The following KIAA1671 variants were observed in gnomAD, a reference collection of about 807,000 sequenced individuals.
The protein encoded by KIAA1671 is uncharacterized protein KIAA1671.
In KIAA1671, 52 loss-of-function variants were observed where a neutral mutation model predicts 131.2. That is an observed-to-expected ratio of 0.40 (90% CI 0.32 to 0.50). The LOEUF (loss-of-function observed/expected upper bound fraction) is 0.50, where lower values mean the gene tolerates loss of function less well. KIAA1671 is among the 20% of genes least tolerant of loss of function. The pLI is 0.73. For synonymous variants in KIAA1671, 1,003 were observed against 961.6 expected (o/e 1.04, Z -0.80); for missense variants, 2,360 against 2,364.2 (o/e 1.00, Z 0.04).
intron 1 of KIAA1671, chr22:25,022,865 T>A (rs1925749321): frequency 6.6e-6 from 1 of 152,414 alleles, no homozygotes; most frequent in Admixed American, 6.5e-5. Flanking sequence ...TGGGGAGGTC[T>A]TGTTGACTTG....
Position 25,174,389 on chromosome 22 carries a change from A to AC in KIAA1671, c.4801dup (p.His1601ProfsTer5), listed in dbSNP as rs1933953968. On this transcript the variant is annotated frameshift_variant, in exon 8 of 13. Coordinates refer to ENST00000358431, the MANE Select transcript of KIAA1671 (RefSeq NM_001145206.2). LOFTEE classifies it high-confidence loss of function. ...AGGGACCAGCGGAGCACCAGCGTGG[A>AC]CCACTCCAGCACTGACCTGGAATCC... The AC allele has an allele frequency of 6.4e-7, 1 of 1,551,996 alleles. No homozygotes were observed. Among genetic ancestry groups the AC allele is most frequent in the Admixed American group, 2.0e-5 (1 of 50,998 alleles).
chr22:25,170,600 C>T (rs1933812815), intron 6 of KIAA1671, among the ~76,000 whole-genome samples: 1 of 152,208 alleles, frequency 6.6e-6, no homozygotes, highest in Admixed American at 6.5e-5. Flanking sequence ...AGTTGGCCCA[C>T]TTTTAGCACT....
intron 6 of KIAA1671, among the ~76,000 whole-genome samples, chr22:25,107,321 G>A (rs1474298624): frequency 6.6e-6 from 1 of 152,042 alleles, no homozygotes; most frequent in African/African-American, 2.4e-5. Context: ...GGAGACTGAG[G>A]CAGGAGAATG....
chr22:25,158,891 G>A (rs1195955854), intron 6 of KIAA1671, among the ~76,000 whole-genome samples: 2 of 152,194 alleles, frequency 1.3e-5, no homozygotes, highest in East Asian at 3.8e-4. Context: ...TCTGTGAAAT[G>A]GGGATATTAA....
intron 1 of KIAA1671, among the ~76,000 whole-genome samples, chr22:24,996,523 C>G (rs1345504103): frequency 1.3e-5 from 2 of 151,958 alleles, no homozygotes; most frequent in African/African-American, 4.8e-5. Context: ...TGTTGGGTTC[C>G]CTAGAAGGAG....
chr22:25,174,714 T>C (rs1933966086), intron 8 of KIAA1671: 1 of 473,682 alleles, frequency 2.1e-6, no homozygotes, highest in Non-Finnish European at 3.7e-6. Context: ...AGCTTCCTTA[T>C]CCACTTGTAA....
chr22:25,029,235 A>C lies in KIAA1671; in HGVS notation c.1236A>C (p.Glu412Asp). ...SPSPRLGRGL[E>D]LAEVKSRVAD... ...CACCCAGGCTGGGAAGGGGCCTAGA[A>C]CTTGCTGAGGTTAAGAGCAGAGTGG... The change falls in exon 3 of 13, where the codon GAA becomes GAC. Residue 412 changes from glutamate (E) to aspartate (D), a missense_variant. Coordinates refer to ENST00000358431, the MANE Select transcript of KIAA1671 (RefSeq NM_001145206.2). 11 of 1,475,086 alleles carry C rather than the reference A, an allele frequency of 7.5e-6. No individual in the cohort carries two copies. Among genetic ancestry groups the C allele is most frequent in the Non-Finnish European group, 9.9e-6 (11 of 1,108,336 alleles). The allele number at this position is 1,475,086 out of a possible 1,614,324, so 91.4% of individuals were successfully genotyped here.
chr22:25,040,116 A>G lies in KIAA1671; in HGVS notation c.2986A>G (p.Arg996Gly). 5.8e-6 allele frequency: 9 copies of G among 1,551,706 alleles called. No individual in the cohort carries two copies. The highest frequency in any genetic ancestry group is 7.8e-6 in the Non-Finnish European group (9 of 1,147,002). Residue 996 changes from arginine to glycine, a missense_variant, in exon 5 of 13, where the codon AGG (arginine) becomes GGG (glycine). By Grantham distance (125) the Arg-to-Gly change is moderately radical. Coordinates refer to ENST00000358431, the MANE Select transcript of KIAA1671 (RefSeq NM_001145206.2). The part of the protein sequence containing the change: ...ALRKPQLSHY[R>G]VETQEVNPGA... ...AAGAAAACCTCAACTATCCCACTAC[A>G]GGGTGGAGACCCAGGAGGTGAACCC... is the stretch of plus-strand genomic sequence containing the variant.
chr22:25,047,275 C>G (rs967562017), intron 5 of KIAA1671, among the ~76,000 whole-genome samples: 1 of 151,282 alleles, frequency 6.6e-6, no homozygotes, highest in Non-Finnish European at 1.5e-5. Flanking sequence ...CTCAGCCTCC[C>G]GAGTTGCAAG....
At chr22:25,091,119 G>A (rs1488992901) in intron 6 of KIAA1671, among the ~76,000 whole-genome samples, 3 of 152,098 alleles carry the variant, frequency 2.0e-5, no homozygotes, top group Admixed American at 6.5e-5. Context: ...GTACAGTGGC[G>A]TGATTTTGGC....
chr22:24,995,087 C>G (rs920742192), intron 1 of KIAA1671, among the ~76,000 whole-genome samples: 5 of 150,030 alleles, frequency 3.3e-5, no homozygotes, highest in Admixed American at 1.3e-4. Flanking sequence ...ATCTCGCTCT[C>G]TCACCCAGGC....
chr22:24,956,657 G>A (rs1391092172), intron 1 of KIAA1671, among the ~76,000 whole-genome samples: 2 of 152,108 alleles, frequency 1.3e-5, no homozygotes, highest in Non-Finnish European at 2.9e-5. Flanking sequence ...ACGAGATCAG[G>A]AGATCGAGAC....
chr22:25,106,922 G>A (rs1458400571), intron 6 of KIAA1671, among the ~76,000 whole-genome samples: 1 of 152,118 alleles, frequency 6.6e-6, no homozygotes, highest in East Asian at 1.9e-4. Flanking sequence ...CATTCTTATA[G>A]CAAAATGTTT....
intron 6 of KIAA1671, among the ~76,000 whole-genome samples, chr22:25,138,738 C>A (rs1379221952): frequency 6.6e-6 from 1 of 152,182 alleles, no homozygotes; most frequent in Non-Finnish European, 1.5e-5. Flanking sequence ...CCTTCAAATA[C>A]TAGAGTTCTT....
intron 9 of KIAA1671, among the ~76,000 whole-genome samples, 159 bp from the exon 10 acceptor site, chr22:25,181,540 A>G (rs73882024): frequency 0.029 from 4,354 of 152,298 alleles, 189 homozygotes; most frequent in African/African-American, 0.1. Flanking sequence ...GCATGAAAGC[A>G]GGCACCTTGG....
At chr22:25,081,338 C>T (rs1373686669) in intron 6 of KIAA1671, among the ~76,000 whole-genome samples, 4 of 152,330 alleles carry the variant, frequency 2.6e-5, no homozygotes, top group Non-Finnish European at 4.4e-5. Flanking sequence ...CCAGCCCTCG[C>T]TGCTCTGTGA....
At chr22:25,072,553 C>G (rs1296210126) in intron 6 of KIAA1671, among the ~76,000 whole-genome samples, 1 of 152,074 alleles carries the variant, frequency 6.6e-6, no homozygotes, top group Admixed American at 6.5e-5. Flanking sequence ...TTAACAAGAC[C>G]GGGATCTTAG....
chr22:25,001,579 C>T (rs1924483652), intron 1 of KIAA1671, among the ~76,000 whole-genome samples: 1 of 152,038 alleles, frequency 6.6e-6, no homozygotes, highest in Non-Finnish European at 1.5e-5. Context: ...AGATTGGCCC[C>T]AGGGGTAGAT....
rs1568951523 is a variant in KIAA1671 at position 25,093,824 on chromosome 22, T to TTC, written c.4530+44468_4530+44469dup. 1.1e-3 allele frequency among the ~76,000 whole-genome samples: 25 copies of TTC among 21,950 alleles called. 3 individuals are homozygous for TTC. Among genetic ancestry groups the TTC allele is most frequent in the Admixed American group, 1.7e-3 (4 of 2,290 alleles). The allele number at this position is 21,950 out of a possible 152,430, so 14.4% of individuals were successfully genotyped here. A position where few individuals can be genotyped will look rare whatever the true frequency, so the allele number is the denominator to read the frequency against. Reference sequence around the variant, plus strand: ...TCTCTCTCTCTCTGTCTCTCTCTCTTTCTCTCTCTGTCTGTCTCTCTCTCT... The same window carrying TTC: ...TCTCTCTCTCTCTGTCTCTCTCTCTTTCTCTCTCTCTGTCTGTCTCTCTCTCT... On this transcript the variant is annotated intron_variant, in intron 6 of 12. Transcript: ENST00000358431.
Sources: allele counts gnomAD v4.1 joint callset (sites outside exome capture counted in the v4.1 genomes callset), GRCh38; gene constraint gnomAD v4.1.1; transcripts MANE v1.5; gene names NCBI Gene and HGNC (gene_info 2026-07-23, HGNC 2026-07-21).